Variants in GOLIM4 observed in about 807,000 individuals in gnomAD.
GOLIM4 encodes the protein golgi integral membrane protein 4, also known as 130 kDa golgi-localized phosphoprotein.
A neutral mutation model predicts 107.4 loss-of-function variants in GOLIM4; 71 were observed. The observed-to-expected ratio is 0.66, with a 90% CI of 0.55 to 0.81. The LOEUF (loss-of-function observed/expected upper bound fraction) is 0.81. GOLIM4 is among the 30% of genes least tolerant of loss of function. The pLI is 0.00. For synonymous variants in GOLIM4, 327 were observed against 294.8 expected, an observed-to-expected ratio of 1.11 and a Z score of -1.12; for missense variants, 830 against 826.1, an observed-to-expected ratio of 1.00 and a Z score of -0.06.
intron 1 of GOLIM4, among the ~76,000 whole-genome samples, chr3:168,054,641 AT>A (rs1719842480): frequency 6.6e-6 from 1 of 150,806 alleles, no homozygotes; most frequent in African/African-American, 2.5e-5. Flanking sequence ...TAAAATAATA[AT>A]TTTTATTACT....
intron 6 of GOLIM4, chr3:168,041,122 T>C (rs545528740): frequency 2.0e-6 from 1 of 509,682 alleles, no homozygotes; most frequent in South Asian, 3.2e-5. Context: ...AATTTCTCAT[T>C]ATTAGTAAAC....
intron 1 of GOLIM4, among the ~76,000 whole-genome samples, chr3:168,059,853 G>A (rs1720162665): frequency 6.6e-6 from 1 of 152,010 alleles, no homozygotes; most frequent in Non-Finnish European, 1.5e-5. Context: ...AAGACTGAAG[G>A]GGTCAGTCAG....
intron 1 of GOLIM4, among the ~76,000 whole-genome samples, chr3:168,057,989 T>C (rs993150012): frequency 6.6e-5 from 10 of 152,156 alleles, no homozygotes; most frequent in African/African-American, 1.9e-4. Context: ...AGAAAAGAGA[T>C]AGATAACAGA....
intron 1 of GOLIM4, among the ~76,000 whole-genome samples, chr3:168,083,548 T>C (rs1014965306): frequency 1.3e-5 from 2 of 152,208 alleles, no homozygotes; most frequent in Non-Finnish European, 2.9e-5. Flanking sequence ...TGTGAAGCTA[T>C]AATTTTAAAT....
intron 4 of GOLIM4, among the ~76,000 whole-genome samples, chr3:168,043,942 C>T (rs1463268320): frequency 6.6e-6 from 1 of 152,162 alleles, no homozygotes; most frequent in Admixed American, 6.5e-5. Flanking sequence ...GGTATTTCAG[C>T]CTTTCTGGTA....
At chr3:168,036,423 C>T (rs555262959) in intron 8 of GOLIM4, among the ~76,000 whole-genome samples, 5 of 152,308 alleles carry the variant, frequency 3.3e-5, no homozygotes, top group Non-Finnish European at 7.3e-5. Flanking sequence ...CGCCTATAAT[C>T]CCAGCTACTC....
rs552294368 is a variant in GOLIM4 at position 168,058,072 on chromosome 3, C to T, written c.188-9707G>A. On this transcript the variant is annotated intron_variant, in intron 1 of 15. Transcript: ENST00000470487. ...TTAGTTAAATAATAGTCCTGAAATA[C>T]GGACACTTTCAGAATGCTGAGAAAA... is the stretch of plus-strand genomic sequence containing the variant. 2.5e-4 allele frequency among the ~76,000 whole-genome samples: 38 copies of T among 152,236 alleles called. No homozygotes were observed. In the South Asian group the frequency reaches 6.6e-3, roughly 27 times the overall value.
intron 11 of GOLIM4, among the ~76,000 whole-genome samples, chr3:168,028,412 G>C (rs1351639096): frequency 6.6e-6 from 1 of 152,156 alleles, no homozygotes; most frequent in Non-Finnish European, 1.5e-5. Flanking sequence ...AAAGAGAATT[G>C]TATGAGCACA....
At chr3:168,028,298 T>C (rs533382340) in intron 11 of GOLIM4, among the ~76,000 whole-genome samples, 2 of 152,248 alleles carry the variant, frequency 1.3e-5, no homozygotes, top group East Asian at 3.9e-4. Context: ...CCATCACATG[T>C]TTTCTGATGT....
chr3:168,030,055 G>A lies in GOLIM4; in HGVS notation c.1177-19C>T. 1 of 1,611,476 alleles carries A rather than the reference G, an allele frequency of 6.2e-7. No individual in the cohort carries two copies. The highest frequency in any genetic ancestry group is 1.1e-5 in the South Asian group (1 of 90,960). ...GGTACACCTAGGGTGAAAAAGAGTT[G>A]GTGCAGAGCAAGAGGGGTTAGCTCC... On this transcript the variant is annotated intron_variant, in intron 9 of 15. Coordinates refer to ENST00000470487, the MANE Select transcript of GOLIM4 (RefSeq NM_014498.5).
intron 7 of GOLIM4, 128 bp downstream of exon 7, chr3:168,040,658 A>G: frequency 1.8e-6 from 1 of 547,226 alleles, no homozygotes; most frequent in South Asian, 3.5e-5. Context: ...CATGATCCTC[A>G]GGATTAGGAT....
intron 5 of GOLIM4, among the ~76,000 whole-genome samples, chr3:168,041,808 G>A (rs1719019780): frequency 6.6e-6 from 1 of 151,966 alleles, no homozygotes; most frequent in South Asian, 2.1e-4. Context: ...ATGCGTAGGT[G>A]TACTCAGATT....
At chr3:168,037,025 AATCTATGAATGCCC>A (rs1337940714) in intron 7 of GOLIM4, 31 bp from the exon 8 acceptor site, 1 of 1,185,416 alleles carries the variant, frequency 8.4e-7, no homozygotes, top group Non-Finnish European at 1.2e-6. Context: ...TTGAGGAGGG[AATCTATGAATGCCC>A]ATTCATAGAT....
chr3:168,025,323 C>T (rs1717936476), intron 12 of GOLIM4, among the ~76,000 whole-genome samples: 1 of 152,210 alleles, frequency 6.6e-6, no homozygotes, highest in African/African-American at 2.4e-5. Context: ...AATAGCACTT[C>T]TTTCCTGCAA....
At chr3:168,025,890 T>TAC (rs1428642932) in intron 12 of GOLIM4, among the ~76,000 whole-genome samples, 1 of 152,176 alleles carries the variant, frequency 6.6e-6, no homozygotes, top group Non-Finnish European at 1.5e-5. Context: ...TTCCAAATAA[T>TAC]ACACATCCTA....
intron 14 of GOLIM4, among the ~76,000 whole-genome samples, chr3:168,022,004 T>C (rs1376328412): frequency 6.6e-6 from 1 of 152,220 alleles, no homozygotes; most frequent in Non-Finnish European, 1.5e-5. Flanking sequence ...GGATCATGCC[T>C]TCCATTCAAA....
At chr3:168,016,785 C>T (rs1470021761) in intron 14 of GOLIM4, among the ~76,000 whole-genome samples, 8 of 138,994 alleles carry the variant, frequency 5.8e-5, no homozygotes, top group Admixed American at 2.1e-4. Flanking sequence ...AGTAAACTAT[C>T]GCAAGAACAA....
At chr3:168,051,241 T>A (rs188589934) in intron 1 of GOLIM4, among the ~76,000 whole-genome samples, 2 of 152,116 alleles carry the variant, frequency 1.3e-5, no homozygotes, top group African/African-American at 2.4e-5. Context: ...GGGTGCAGGA[T>A]GGTATTCCAT....
At chr3:168,018,569 G>C (rs1179468177) in intron 14 of GOLIM4, among the ~76,000 whole-genome samples, 1 of 152,152 alleles carries the variant, frequency 6.6e-6, no homozygotes, top group East Asian at 1.9e-4. Flanking sequence ...GACCTATCTT[G>C]TCTCACCTTA....
Sources: gnomAD v4.1 joint callset for allele counts (sites outside exome capture counted in the v4.1 genomes callset) on GRCh38, gnomAD v4.1.1 for gene constraint, MANE v1.5 for transcripts, NCBI Gene and HGNC (gene_info 2026-07-23, HGNC 2026-07-21) for gene names.